JARID2: variants seen among roughly 807,000 people sequenced by gnomAD.
JARID2 encodes the protein protein Jumonji.
In JARID2, 21 loss-of-function variants were observed where a neutral mutation model predicts 125.6. The ratio of observed to expected loss-of-function variants is 0.17; its 90% confidence interval spans 0.12 to 0.24. The LOEUF is 0.24. Ranked by LOEUF, JARID2 falls within the 10% of genes least tolerant of loss-of-function variation. JARID2 has a pLI of 1.00. For missense variants in JARID2, 1,303 were observed against 1,639.6 expected, an observed-to-expected ratio of 0.79 and a Z score of 3.55; for synonymous variants, 736 against 661.6, an observed-to-expected ratio of 1.11 and a Z score of -1.73.
intron 3 of JARID2, among the ~76,000 whole-genome samples, chr6:15,420,801 C>G (rs2127587023): frequency 6.6e-6 from 1 of 152,302 alleles, no homozygotes; most frequent in South Asian, 2.1e-4. Flanking sequence ...GGCATTGTTT[C>G]CCTGCTACTC....
intron 1 of JARID2, among the ~76,000 whole-genome samples, chr6:15,289,092 G>A (rs1006277742): frequency 4.6e-5 from 7 of 152,138 alleles, no homozygotes; most frequent in East Asian, 1.9e-4. Flanking sequence ...GTGAAACCCC[G>A]TTAACAGTTA....
At chr6:15,278,448 T>C (rs2127369589) in intron 1 of JARID2, among the ~76,000 whole-genome samples, 1 of 151,110 alleles carries the variant, frequency 6.6e-6, no homozygotes, top group Middle Eastern at 3.4e-3. Context: ...TAGCTGGGCG[T>C]GATGGCTCAT....
intron 2 of JARID2, 102 bp downstream of exon 2, chr6:15,374,354 A>AG: frequency 1.7e-6 from 2 of 1,157,384 alleles, no homozygotes; most frequent in Non-Finnish European, 2.5e-6. Flanking sequence ...TTCCTGGTCT[A>AG]GGCACCTAAA....
At chr6:15,404,366 C>T (rs1765561678) in intron 2 of JARID2, among the ~76,000 whole-genome samples, 1 of 152,168 alleles carries the variant, frequency 6.6e-6, no homozygotes, top group Non-Finnish European at 1.5e-5. Context: ...GCTTAAAAAG[C>T]AATTCATTTT....
chr6:15,462,039 C>T (rs775059041), intron 4 of JARID2, among the ~76,000 whole-genome samples: 1 of 152,194 alleles, frequency 6.6e-6, no homozygotes, highest in Non-Finnish European at 1.5e-5. Context: ...ACACAAATCC[C>T]TCTTCATACC....
intron 12 of JARID2, chr6:15,509,154 C>A (rs961048566): frequency 1.6e-6 from 2 of 1,285,866 alleles, no homozygotes; most frequent in African/African-American, 1.5e-5. Context: ...GAGGCTGGGT[C>A]CCCGCCTGTA....
intron 3 of JARID2, among the ~76,000 whole-genome samples, chr6:15,444,664 C>G (rs1470254174): frequency 6.6e-6 from 1 of 150,378 alleles, no homozygotes; most frequent in Non-Finnish European, 1.5e-5. Flanking sequence ...AGCTTCAGGG[C>G]CAGCTCCCAC....
At position 15,520,261 on chromosome 6, in the gene JARID2, C is replaced by T. The variant is rs371187784; in HGVS notation, c.*10C>T. 4.7e-5 allele frequency: 74 copies of T among 1,569,292 alleles called. No homozygotes were observed. Among genetic ancestry groups the T allele is most frequent in the Middle Eastern group, 1.7e-4 (1 of 5,874 alleles). On this transcript the variant is annotated 3_prime_UTR_variant, in exon 18 of 18. Transcript: ENST00000341776. ...TTCGAGCTCATCATGAAGATGCCAA[C>T]GCCCGTGGTCGATTTATATATATTT...
chr6:15,485,848 A>G, intron 5 of JARID2, among the ~76,000 whole-genome samples: 1 of 152,332 alleles, frequency 6.6e-6, no homozygotes, highest in Non-Finnish European at 1.5e-5. Context: ...GGGAAAAGGG[A>G]GTTTTCAGAA....
At chr6:15,356,440 T>G (rs1027373784) in intron 1 of JARID2, among the ~76,000 whole-genome samples, 8 of 152,206 alleles carry the variant, frequency 5.3e-5, no homozygotes, top group Non-Finnish European at 1.2e-4. Flanking sequence ...TTTATTATAG[T>G]CATTCTAGTG....
intron 12 of JARID2, among the ~76,000 whole-genome samples, chr6:15,508,765 T>TTTTTG (rs879327689): frequency 5.3e-5 from 8 of 152,306 alleles, no homozygotes; most frequent in Non-Finnish European, 7.3e-5. Flanking sequence ...CTTACGTCTG[T>TTTTTG]TTTTGTTTTG....
chr6:15,370,698 A>G (rs531462142), intron 1 of JARID2, among the ~76,000 whole-genome samples: 4 of 152,246 alleles, frequency 2.6e-5, no homozygotes, highest in Admixed American at 1.3e-4. Context: ...GAAGAATGAT[A>G]TAGCCACAGC....
At chr6:15,485,924 AG>A (rs1769843341) in intron 5 of JARID2, among the ~76,000 whole-genome samples, 1 of 152,232 alleles carries the variant, frequency 6.6e-6, no homozygotes, top group South Asian at 2.1e-4. Context: ...GCCAATAGGA[AG>A]AGATTTACAA....
intron 1 of JARID2, among the ~76,000 whole-genome samples, chr6:15,283,708 T>A (rs1299531365): frequency 8.9e-5 from 13 of 146,786 alleles, no homozygotes; most frequent in Non-Finnish European, 2.0e-4. Context: ...TTTAAGTATT[T>A]TTTTTTTTTT....
chr6:15,377,836 A>G (rs1764417431), intron 2 of JARID2, among the ~76,000 whole-genome samples: 1 of 121,772 alleles, frequency 8.2e-6, no homozygotes, highest in Non-Finnish European at 1.8e-5. Context: ...CCGAGCCAGG[A>G]TGGATAAGTC....
intron 5 of JARID2, among the ~76,000 whole-genome samples, chr6:15,474,993 C>T (rs1769271540): frequency 6.6e-6 from 1 of 152,164 alleles, no homozygotes; most frequent in Non-Finnish European, 1.5e-5. Context: ...CACAAGAATC[C>T]TCCAAGTGGT....
At chr6:15,386,744 G>A (rs575393851) in intron 2 of JARID2, among the ~76,000 whole-genome samples, 15 of 152,382 alleles carry the variant, frequency 9.8e-5, no homozygotes, top group African/African-American at 3.6e-4. Flanking sequence ...CCGAATGTCT[G>A]AGAGTGTTGG....
At chr6:15,351,385 A>G (rs775813259) in intron 1 of JARID2, among the ~76,000 whole-genome samples, 1 of 152,164 alleles carries the variant, frequency 6.6e-6, no homozygotes, top group Non-Finnish European at 1.5e-5. Flanking sequence ...GGATTGCTGG[A>G]TTAAATAAAA....
chr6:15,413,648 C>T (rs1283910385), intron 3 of JARID2, among the ~76,000 whole-genome samples: 1 of 151,896 alleles, frequency 6.6e-6, no homozygotes, highest in Non-Finnish European at 1.5e-5. Context: ...GCTTTGTTAC[C>T]CAGGCTGGAA....
Sources: allele counts gnomAD v4.1 joint callset (sites outside exome capture counted in the v4.1 genomes callset), GRCh38; gene constraint gnomAD v4.1.1; transcripts MANE v1.5; gene names NCBI Gene and HGNC (gene_info 2026-07-23, HGNC 2026-07-21).